Variants in SERGEF observed in about 807,000 individuals in gnomAD.
SERGEF encodes the protein secretion-regulating guanine nucleotide exchange factor.
Under a neutral mutation model 50.0 loss-of-function variants are expected in SERGEF, and 51 were observed. That is an observed-to-expected ratio of 1.02 (90% CI 0.81 to 1.29). SERGEF has a LOEUF of 1.29. Among genes scored for constraint, SERGEF ranks in the 50% most tolerant of loss-of-function variants. SERGEF has a pLI of 0.00. For synonymous variants in SERGEF, 205 were observed against 212.4 expected, an observed-to-expected ratio of 0.97 and a Z score of 0.30; for missense variants, 521 against 557.0, an observed-to-expected ratio of 0.94 and a Z score of 0.65.
intron 6 of SERGEF, among the ~76,000 whole-genome samples, chr11:17,994,473 C>CT (rs1410289928): frequency 6.3e-5 from 2 of 31,944 alleles, no homozygotes; most frequent in Non-Finnish European, 1.0e-4. Context: ...GAGACTCTGT[C>CT]TCAAAAAAAA....
At position 18,012,715 on chromosome 11, in the gene SERGEF, C is replaced by T. The variant is rs946488625; in HGVS notation, c.60+236G>A. ...AGGTTCTTCCCGCGGCGCCACAGCCCCTCCGGCCCTGACCCCGCCAGCCGG... is the reference window on the plus strand; with the variant it reads ...AGGTTCTTCCCGCGGCGCCACAGCCTCTCCGGCCCTGACCCCGCCAGCCGG... On this transcript the variant is annotated intron_variant, in intron 1 of 10. Coordinates refer to ENST00000265965, the MANE Select transcript of SERGEF (RefSeq NM_012139.4). 1,518 of 1,256,944 alleles carry T rather than the reference C, an allele frequency of 1.2e-3. 3 individuals carry two copies. The highest frequency in any genetic ancestry group is 1.4e-3 in the Non-Finnish European group (1,351 of 950,728). The allele number at this position is 1,256,944 out of a possible 1,614,324, so 77.9% of individuals were successfully genotyped here.
chr11:17,968,861 C>T (rs1853187545), intron 8 of SERGEF, among the ~76,000 whole-genome samples: 1 of 151,930 alleles, frequency 6.6e-6, no homozygotes, highest in East Asian at 1.9e-4. Flanking sequence ...ACAGGCAGTG[C>T]TGGGGAGGGA....
intron 10 of SERGEF, among the ~76,000 whole-genome samples, chr11:17,801,853 T>G (rs1296056696): frequency 6.6e-6 from 1 of 152,192 alleles, no homozygotes; most frequent in Non-Finnish European, 1.5e-5. Flanking sequence ...ATTTGGTGCC[T>G]TCATCACTCT....
rs1853750503 is a variant in SERGEF, at chr11:17,992,969, C to A, written c.647G>T (p.Cys216Phe). 6.2e-7 allele frequency: 1 copy of A among 1,613,994 alleles called. No homozygotes were observed. Residue 216 changes from cysteine to phenylalanine, a missense_variant, in exon 7 of 11, where the codon TGT (cysteine) becomes TTT (phenylalanine). Cys to Phe is a radical substitution (Grantham distance 205). Transcript: ENST00000265965. The part of the protein sequence containing the change: ...VTGLENSKAM[C>F]VLAGSDHSAS... ...TGAGTGGTCTGAGCCAGCAAGAACA[C>A]ACATTGCTTTAGAATTCTCTAGACC...
At chr11:17,989,829 G>C (rs764013983) in intron 7 of SERGEF, among the ~76,000 whole-genome samples, 1 of 152,208 alleles carries the variant, frequency 6.6e-6, no homozygotes, top group Non-Finnish European at 1.5e-5. Context: ...GCAAAAAAGA[G>C]TGTGGCTCCT....
chr11:17,912,942 G>A (rs1255839393), intron 9 of SERGEF, among the ~76,000 whole-genome samples: 4 of 152,152 alleles, frequency 2.6e-5, no homozygotes, highest in Non-Finnish European at 2.9e-5. Flanking sequence ...TTAATTCATA[G>A]GACTGCTGTG....
intron 9 of SERGEF, among the ~76,000 whole-genome samples, chr11:17,907,922 C>T (rs2133926666): frequency 6.6e-6 from 1 of 152,266 alleles, no homozygotes; most frequent in South Asian, 2.1e-4. Flanking sequence ...AGCATGCATC[C>T]TCAACTCCAT....
intron 5 of SERGEF, among the ~76,000 whole-genome samples, chr11:17,996,626 A>G (rs1279607075): frequency 1.3e-5 from 2 of 152,226 alleles, no homozygotes; most frequent in Non-Finnish European, 2.9e-5. Context: ...TGAAACTAGG[A>G]TCCATCACCC....
At chr11:17,982,885 C>T (rs566032217) in intron 8 of SERGEF, among the ~76,000 whole-genome samples, 1 of 152,102 alleles carries the variant, frequency 6.6e-6, no homozygotes, top group South Asian at 2.1e-4. Flanking sequence ...AAGAGGACAC[C>T]GATGGAAGGG....
At chr11:18,012,699 C>T in intron 1 of SERGEF, 2 of 1,207,016 alleles carry the variant, frequency 1.7e-6, no homozygotes, top group South Asian at 1.6e-5. Context: ...CAGGTTCTTC[C>T]CGCGGCGCCA....
At chr11:17,793,236 G>A (rs1849515566) in intron 10 of SERGEF, among the ~76,000 whole-genome samples, 3 of 152,300 alleles carry the variant, frequency 2.0e-5, no homozygotes, top group East Asian at 3.9e-4. Context: ...AGATGGAGGG[G>A]CAGCAGCAGA....
At chr11:17,935,630 G>A (rs184561258) in intron 9 of SERGEF, among the ~76,000 whole-genome samples, 205 of 152,246 alleles carry the variant, frequency 1.3e-3, no homozygotes, top group Non-Finnish European at 2.5e-3. Context: ...AATTAGGAAC[G>A]AGAATTGGAT....
intron 9 of SERGEF, among the ~76,000 whole-genome samples, chr11:17,909,548 G>C (rs74923711): frequency 0.057 from 8,655 of 152,214 alleles, 836 homozygotes; most frequent in African/African-American, 0.2. Context: ...AGCTGGGATG[G>C]CACAGAATAA....
intron 7 of SERGEF, among the ~76,000 whole-genome samples, chr11:17,989,458 C>T (rs1225476959): frequency 6.6e-6 from 1 of 152,228 alleles, no homozygotes; most frequent in African/African-American, 2.4e-5. Flanking sequence ...GAAGGGAAGG[C>T]TGTTGGTCTA....
At chr11:17,961,123 C>T (rs1441080325) in intron 8 of SERGEF, among the ~76,000 whole-genome samples, 7 of 152,174 alleles carry the variant, frequency 4.6e-5, no homozygotes, top group Non-Finnish European at 1.0e-4. Context: ...TACTATGCCG[C>T]CATTTGGCAG....
At chr11:17,867,322 C>T (rs187172099) in intron 10 of SERGEF, among the ~76,000 whole-genome samples, 2 of 152,336 alleles carry the variant, frequency 1.3e-5, no homozygotes, top group East Asian at 1.9e-4. Context: ...AACAAAGGGG[C>T]CACAGGCCCC....
chr11:17,908,222 A>G (rs1033495213), intron 9 of SERGEF, among the ~76,000 whole-genome samples: 3 of 152,180 alleles, frequency 2.0e-5, no homozygotes, highest in African/African-American at 7.2e-5. Context: ...AGTCCTATAC[A>G]ATCTGGTTCC....
intron 10 of SERGEF, among the ~76,000 whole-genome samples, chr11:17,799,495 G>A (rs1293587597): frequency 6.6e-6 from 1 of 152,216 alleles, no homozygotes; most frequent in Non-Finnish European, 1.5e-5. Flanking sequence ...GAGGGGTGGA[G>A]GAATGGATGC....
intron 9 of SERGEF, among the ~76,000 whole-genome samples, chr11:17,917,057 C>T (rs1852061751): frequency 6.6e-6 from 1 of 152,148 alleles, no homozygotes; most frequent in African/African-American, 2.4e-5. Context: ...CCAGCATTCC[C>T]ACTACTGGGT....
Sources: gnomAD v4.1 joint callset for allele counts (sites outside exome capture counted in the v4.1 genomes callset) on GRCh38, gnomAD v4.1.1 for gene constraint, MANE v1.5 for transcripts, NCBI Gene and HGNC (gene_info 2026-07-23, HGNC 2026-07-21) for gene names.